Variants in KMT5B observed in about 807,000 individuals in gnomAD.
The protein encoded by KMT5B is lysine methyltransferase 5B.
A neutral mutation model predicts 83.2 loss-of-function variants in KMT5B; 10 were observed. That is an observed-to-expected ratio of 0.12 (90% CI 0.07 to 0.20). The LOEUF (loss-of-function observed/expected upper bound fraction) is 0.20. Among genes scored for constraint, KMT5B ranks in the 10% least tolerant of loss-of-function variants. KMT5B has a pLI of 1.00. For missense variants in KMT5B, 753 were observed against 1,067.2 expected, an observed-to-expected ratio of 0.71 and a Z score of 4.10; for synonymous variants, 349 against 388.8, an observed-to-expected ratio of 0.90 and a Z score of 1.20.
intron 1 of KMT5B, among the ~76,000 whole-genome samples, chr11:68,198,862 TG>T (rs1859063867): frequency 6.6e-6 from 1 of 152,138 alleles, no homozygotes; most frequent in South Asian, 2.1e-4. Flanking sequence ...CCTGAGTAGC[TG>T]GAACTGCAGA....
At chr11:68,200,634 G>T (rs769942298) in intron 1 of KMT5B, among the ~76,000 whole-genome samples, 1 of 152,182 alleles carries the variant, frequency 6.6e-6, no homozygotes, top group Admixed American at 6.5e-5. Flanking sequence ...ATGGGAATAG[G>T]TTAGTTAATT....
chr11:68,202,425 T>C lies in KMT5B; in HGVS notation c.-77+10713A>G, dbSNP rs368799039. Among the ~76,000 whole-genome samples the C allele has an allele frequency of 2.4e-3, 365 of 152,294 alleles. 2 individuals are homozygous for C. Among genetic ancestry groups the C allele is most frequent in the African/African-American group, 8.3e-3 (347 of 41,560 alleles). The stretch of plus-strand genomic sequence containing the variant: ...GCCCAACCCCACTTCTCCAGCTATA[T>C]AGATTTCCTTGTTATACATTTTAAC... On this transcript the variant is annotated intron_variant, in intron 1 of 10. Coordinates refer to ENST00000304363, the MANE Select transcript of KMT5B (RefSeq NM_017635.5).
intron 4 of KMT5B, chr11:68,179,641 G>A (rs974276642): frequency 4.1e-6 from 5 of 1,219,738 alleles, no homozygotes; most frequent in Admixed American, 3.1e-5. Flanking sequence ...AACAGGAAGG[G>A]GAACAGAAAA....
chr11:68,210,900 G>T (rs997731910), intron 1 of KMT5B, among the ~76,000 whole-genome samples: 1 of 152,166 alleles, frequency 6.6e-6, no homozygotes, highest in Admixed American at 6.5e-5. Context: ...ATTTGCCAAT[G>T]TAAAGCTCAT....
intron 1 of KMT5B, among the ~76,000 whole-genome samples, chr11:68,207,440 A>T (rs1860272400): frequency 1.3e-5 from 2 of 152,136 alleles, no homozygotes; most frequent in South Asian, 4.1e-4. Flanking sequence ...TCAGAGAATT[A>T]GAAAAAAAAC....
chr11:68,186,219 C>G (rs1267956076), intron 2 of KMT5B, among the ~76,000 whole-genome samples: 1 of 152,148 alleles, frequency 6.6e-6, no homozygotes, highest in African/African-American at 2.4e-5. Flanking sequence ...CCACCCCCTT[C>G]TCTCCAAGGA....
Position 68,171,092 on chromosome 11 carries a change from T to C in KMT5B, c.900A>G (p.Gly300=), listed in dbSNP as rs777805824. ...CTCCATAATAACAAGAAATTTCTTC[T>C]CCAGGTTCAATGTCTCTTAGAGCCT... ...CVKALRDIEP[G]EEISCYYGDG... Residue 300 remains glycine (G), a synonymous_variant, in exon 9 of 11, where the codon GGA becomes GGG. Coordinates refer to ENST00000304363, the MANE Select transcript of KMT5B (RefSeq NM_017635.5). The surrounding 1 kb of genome is among the most constrained non-coding windows in gnomAD (Gnocchi z 5.1). 3.1e-6 allele frequency: 5 copies of C among 1,608,552 alleles called. No homozygotes were observed.
Position 68,158,985 on chromosome 11 carries a change from A to G in KMT5B, c.1361T>C (p.Leu454Ser), listed in dbSNP as rs1854630201. ...CTCCAGCCGCTTGCAATGATTTCTC[A>G]ATTTTATCTTTGAAAGTAAAGGCTT... The part of the protein sequence containing the change: ...PAKPLLSKIK[L>S]RNHCKRLEQK... The change falls in exon 11 of 11, where the codon TTG becomes TCG. Residue 454 changes from leucine to serine, a missense_variant. By Grantham distance (145) the Leu-to-Ser change is moderately radical. This residue lies in a region of KMT5B where 397 missense variants were observed against 395.9 expected (regional missense o/e 1.00). Coordinates refer to ENST00000304363, the MANE Select transcript of KMT5B (RefSeq NM_017635.5). 6.2e-7 allele frequency: 1 copy of G among 1,611,376 alleles called. No homozygotes were observed. Among genetic ancestry groups the G allele is most frequent in the East Asian group, 2.2e-5 (1 of 44,870 alleles).
intron 9 of KMT5B, 138 bp downstream of exon 9, chr11:68,170,877 C>T: frequency 1.1e-6 from 1 of 873,996 alleles, no homozygotes. Context: ...TGTTCATACA[C>T]ACTGCACCAG....
chr11:68,196,156 A>C (rs1858680854), intron 1 of KMT5B, among the ~76,000 whole-genome samples: 1 of 152,042 alleles, frequency 6.6e-6, no homozygotes, highest in South Asian at 2.1e-4. Context: ...GACCCTGTCT[A>C]AAATAAAATA....
At chr11:68,197,137 A>C (rs1003531725) in intron 1 of KMT5B, among the ~76,000 whole-genome samples, 1 of 150,782 alleles carries the variant, frequency 6.6e-6, no homozygotes. Context: ...CACCTGGCTA[A>C]TTTTTTTTTG....
intron 1 of KMT5B, among the ~76,000 whole-genome samples, chr11:68,199,615 A>AATT (rs989210938): frequency 4.6e-5 from 7 of 152,200 alleles, no homozygotes; most frequent in African/African-American, 1.7e-4. Context: ...CACAGTTTTA[A>AATT]AGGACCATGC....
At chr11:68,168,363 T>TCTTG (rs1446109540) in intron 9 of KMT5B, among the ~76,000 whole-genome samples, 1 of 151,094 alleles carries the variant, frequency 6.6e-6, no homozygotes, top group Non-Finnish European at 1.5e-5. Context: ...TGAGACACAG[T>TCTTG]CTTGCTGTGT....
intron 10 of KMT5B, chr11:68,165,609 C>T: frequency 5.0e-6 from 3 of 599,748 alleles, no homozygotes; most frequent in East Asian, 5.6e-5. Flanking sequence ...GTAGCTGGGG[C>T]TACAGGTGTG....
At chr11:68,208,905 T>C (rs549785198) in intron 1 of KMT5B, among the ~76,000 whole-genome samples, 2 of 152,258 alleles carry the variant, frequency 1.3e-5, no homozygotes, top group South Asian at 4.2e-4. Context: ...TGGTACTTAT[T>C]TATATGCACC....
At chr11:68,207,223 A>G (rs1860239377) in intron 1 of KMT5B, among the ~76,000 whole-genome samples, 1 of 151,996 alleles carries the variant, frequency 6.6e-6, no homozygotes. Context: ...CAAAAAAAAA[A>G]AAAAAATCAT....
At chr11:68,189,645 C>T (rs1410396289) in intron 2 of KMT5B, 1 of 265,956 alleles carries the variant, frequency 3.8e-6, no homozygotes, top group Non-Finnish European at 7.0e-6. Flanking sequence ...TTTAGTAAGA[C>T]ATATCAACCA....
At chr11:68,194,144 T>C (rs1858421688) in intron 1 of KMT5B, among the ~76,000 whole-genome samples, 1 of 151,636 alleles carries the variant, frequency 6.6e-6, no homozygotes, top group South Asian at 2.1e-4. Context: ...CAATATGAAT[T>C]GTGGCATTCA....
At chr11:68,203,904 T>C (rs1251382465) in intron 1 of KMT5B, among the ~76,000 whole-genome samples, 2 of 152,170 alleles carry the variant, frequency 1.3e-5, no homozygotes, top group Admixed American at 6.5e-5. Flanking sequence ...ATCAACTCCA[T>C]AGCAAAGAAT....
Sources: allele counts gnomAD v4.1 joint callset (sites outside exome capture counted in the v4.1 genomes callset), GRCh38; gene constraint gnomAD v4.1.1; regional missense constraint gnomAD v4.1.1; non-coding constraint Gnocchi (gnomAD v3.1); transcripts MANE v1.5; gene names NCBI Gene and HGNC (gene_info 2026-07-23, HGNC 2026-07-21).